PPP2R3B: variants seen among roughly 807,000 people sequenced by gnomAD.
The protein encoded by PPP2R3B is serine/threonine-protein phosphatase 2A regulatory subunit B'' subunit beta.
PPP2R3B carries 68 observed loss-of-function variants against 72.9 expected under a neutral mutation model. The ratio of observed to expected loss-of-function variants is 0.93; its 90% CI spans 0.77 to 1.14. PPP2R3B has a LOEUF of 1.14. Ranked by LOEUF, PPP2R3B falls within the 50% of genes most tolerant of loss-of-function variation. PPP2R3B has a pLI of 0.00. For missense variants in PPP2R3B, 1,018 were observed against 842.0 expected, an observed-to-expected ratio of 1.21 and a Z score of -2.59; for synonymous variants, 466 against 375.8, an observed-to-expected ratio of 1.24 and a Z score of -2.78.
intron 1 of PPP2R3B, 97 bp from the exon 2 acceptor site, chrX:361,687 C>G (rs1479932940): frequency 7.2e-7 from 1 of 1,381,626 alleles, no homozygotes; most frequent in Non-Finnish European, 1.0e-6. Context: ...GCCGACAGTG[C>G]TGAGGCCACC....
At chrX:360,547 C>A (rs992317428) in intron 2 of PPP2R3B, among the ~76,000 whole-genome samples, 4 of 152,058 alleles carry the variant, frequency 2.6e-5, no homozygotes, top group Non-Finnish European at 4.4e-5. Context: ...CAAGCAAACC[C>A]AAAAAACAAA....
intron 10 of PPP2R3B, among the ~76,000 whole-genome samples, chrX:340,184 GT>G: frequency 2.6e-5 from 1 of 37,862 alleles, no homozygotes; most frequent in Non-Finnish European, 4.9e-5. Context: ...GGGGGGCGGG[GT>G]GAGAGGGGAG....
intron 2 of PPP2R3B, among the ~76,000 whole-genome samples, chrX:355,786 A>T (rs1373911653): frequency 6.6e-6 from 1 of 152,234 alleles, no homozygotes; most frequent in African/African-American, 2.4e-5. Flanking sequence ...ATATTGACAG[A>T]AAGGAGGCCT....
chrX:337,778 G>C (rs187483680), intron 12 of PPP2R3B: 1 of 152,340 alleles, frequency 6.6e-6, no homozygotes, highest in Non-Finnish European at 1.5e-5. Flanking sequence ...AACGGAGCCC[G>C]CACACGGCAC....
intron 1 of PPP2R3B, among the ~76,000 whole-genome samples, chrX:373,087 C>G (rs904357019): frequency 2.0e-5 from 3 of 152,156 alleles, no homozygotes; most frequent in African/African-American, 7.2e-5. Flanking sequence ...AAGTTTCACC[C>G]ACCCGACGCC....
At chrX:347,371 A>C (rs749685735) in intron 3 of PPP2R3B, 35 bp from the exon 4 acceptor site, 112 of 1,600,192 alleles carry the variant, frequency 7.0e-5, no homozygotes, top group Middle Eastern at 1.7e-4. Context: ...CCACCCTCAC[A>C]GGGGGGTGGC....
intron 1 of PPP2R3B, among the ~76,000 whole-genome samples, chrX:379,181 CTATG>C (rs1172464151): frequency 3.5e-5 from 5 of 144,678 alleles, no homozygotes; most frequent in African/African-American, 7.9e-5. Flanking sequence ...GTGTATGGAC[CTATG>C]TATGTGTGTA....
chrX:383,269 T>A (rs1203249539), intron 1 of PPP2R3B, among the ~76,000 whole-genome samples: 1 of 152,124 alleles, frequency 6.6e-6, no homozygotes, highest in Non-Finnish European at 1.5e-5. Flanking sequence ...ACTCAGCAAG[T>A]AGAGAGGCTG....
At chrX:386,133 T>C (rs999098853) in intron 1 of PPP2R3B, among the ~76,000 whole-genome samples, 1 of 151,666 alleles carries the variant, frequency 6.6e-6, no homozygotes, top group African/African-American at 2.4e-5. Flanking sequence ...GAAGCCTTTC[T>C]ACCTTTATAA....
rs201743097 is a variant in PPP2R3B, at chrX:361,529, T to C, written c.386A>G (p.Tyr129Cys). The change falls in exon 2 of 13, where the codon TAC becomes TGC. Residue 129 changes from tyrosine (Y) to cysteine (C), a missense_variant. Coordinates refer to ENST00000390665, the MANE Select transcript of PPP2R3B (RefSeq NM_013239.5). The stretch of plus-strand genomic sequence containing the variant: ...GTCCTGCGGGCGTCCTCTGGGGAAG[T>C]AGAAGGTCGGAATGCTTTGGCTCGT... ...PATSQSIPTF[Y>C]FPRGRPQDSV... 5.0e-6 allele frequency: 8 copies of C among 1,613,992 alleles called. No individual in the cohort carries two copies. Among genetic ancestry groups the C allele is most frequent in the South Asian group, 1.1e-5 (1 of 91,080 alleles).
Position 340,807 on chromosome X carries a change from A to G in PPP2R3B, c.1309T>C (p.Cys437Arg). 1 of 1,606,406 alleles carries G rather than the reference A, an allele frequency of 6.2e-7. No homozygotes were observed. Among genetic ancestry groups the G allele is most frequent in the Non-Finnish European group, 8.5e-7 (1 of 1,178,520 alleles). ...MAIEALPFQD[C>R]LCQMLDLVKP... ...ACCAGGTCCAGCATCTGGCAGAGGC[A>G]GTCCTGGAAGGGCAGGGCCTCGATG... Residue 437 changes from cysteine to arginine, a missense_variant, in exon 10 of 13, where the codon TGC becomes CGC. Physicochemically the swap from Cys to Arg is radical, Grantham distance 180. Transcript: ENST00000390665.
In PPP2R3B at chrX:341,297, A is replaced by G. The variant is rs1346115834; in HGVS notation, c.1175+10T>C. 1 of 1,612,574 alleles carries G rather than the reference A, an allele frequency of 6.2e-7. No individual in the cohort carries two copies. The highest frequency in any genetic ancestry group is 2.2e-5 in the East Asian group (1 of 44,886). ...CACTGGGACAAACGCATGCCGCAGCAGGAACCCACCTGGTCGGTGTTTTTT... is the reference window on the plus strand; with the variant it reads ...CACTGGGACAAACGCATGCCGCAGCGGGAACCCACCTGGTCGGTGTTTTTT... On this transcript the variant is annotated intron_variant, in intron 9 of 12. Coordinates refer to ENST00000390665, the MANE Select transcript of PPP2R3B (RefSeq NM_013239.5).
At chrX:383,050 T>C (rs1385368020) in intron 1 of PPP2R3B, among the ~76,000 whole-genome samples, 1 of 152,132 alleles carries the variant, frequency 6.6e-6, no homozygotes, top group South Asian at 2.1e-4. Flanking sequence ...GGGCCGGAGC[T>C]CAAGAGATGC....
chrX:356,318 C>A (rs1453367528), intron 2 of PPP2R3B, among the ~76,000 whole-genome samples: 1 of 152,170 alleles, frequency 6.6e-6, no homozygotes, highest in South Asian at 2.1e-4. Context: ...CAGGTTCAAG[C>A]GATTTTCCTG....
At chrX:371,019 G>A (rs2071850086) in intron 1 of PPP2R3B, among the ~76,000 whole-genome samples, 1 of 152,236 alleles carries the variant, frequency 6.6e-6, no homozygotes, top group East Asian at 1.9e-4. Context: ...TGTGGGGAGC[G>A]GGAGAGTCAC....
Position 382,734 on chromosome X carries a change from C to T in PPP2R3B, c.324+3634G>A, listed in dbSNP as rs749698052. Among the ~76,000 whole-genome samples, 5 of 152,248 alleles carry T rather than the reference C, an allele frequency of 3.3e-5. No homozygotes were observed. In the East Asian group the frequency reaches 9.7e-4, roughly 29 times the overall value. ...CCTCGTTTGCACAGACCTGACCTTC[C>T]GTCAATATTCCCAGCCCTAGGAGAA... On this transcript the variant is annotated intron_variant, in intron 1 of 12. Transcript: ENST00000390665.
Position 345,545 on chromosome X carries a change from GCGTCGATGAGCAGGT to G in PPP2R3B, c.992_1006del (p.Asp331_Asp335del). On this transcript the variant is annotated inframe_deletion, in exon 7 of 13. Coordinates refer to ENST00000390665, the MANE Select transcript of PPP2R3B (RefSeq NM_013239.5). Reference sequence around the variant, plus strand: ...GTCATTGTGCCGCGCCAGGTCGTCCGCGTCGATGAGCAGGTCGTGGTCCGTGTCCAGCTCCCAGAA... The same window carrying G: ...GTCATTGTGCCGCGCCAGGTCGTCCGCGTGGTCCGTGTCCAGCTCCCAGAA... 1.4e-5 allele frequency: 22 copies of G among 1,613,080 alleles called. No individual in the cohort carries two copies. The highest frequency in any genetic ancestry group is 1.9e-5 in the Non-Finnish European group (22 of 1,179,490).
At chrX:349,321 A>G (rs1428206951) in intron 2 of PPP2R3B, among the ~76,000 whole-genome samples, 2 of 152,088 alleles carry the variant, frequency 1.3e-5, no homozygotes, top group Non-Finnish European at 2.9e-5. Context: ...CAGCCTGCAG[A>G]CCTGTGAACA....
At chrX:381,191 AG>A (rs923027497) in intron 1 of PPP2R3B, among the ~76,000 whole-genome samples, 1 of 152,048 alleles carries the variant, frequency 6.6e-6, no homozygotes, top group African/African-American at 2.4e-5. Flanking sequence ...GGCCTCCCAA[AG>A]TGCTGGGATT....
Sources: gnomAD v4.1 joint callset for allele counts (sites outside exome capture counted in the v4.1 genomes callset) on GRCh38, gnomAD v4.1.1 for gene constraint, MANE v1.5 for transcripts, NCBI Gene and HGNC (gene_info 2026-07-23, HGNC 2026-07-21) for gene names.